PTPRT: variants seen among roughly 807,000 people sequenced by gnomAD.
PTPRT encodes receptor-type tyrosine-protein phosphatase T.
PTPRT carries 56 observed loss-of-function variants against 176.8 expected under a neutral mutation model. The ratio of observed to expected loss-of-function variants is 0.32; its 90% CI spans 0.26 to 0.40. PTPRT has a LOEUF of 0.40. Among genes scored for constraint, PTPRT ranks in the 10% least tolerant of loss-of-function variants. The probability of loss-of-function intolerance (pLI) is 1.00; values close to 1 mark genes in which losing one functional copy is unlikely to be tolerated. For missense variants in PTPRT, 1,540 were observed against 1,908.2 expected (o/e 0.81, Z 3.60); for synonymous variants, 783 against 739.0 (o/e 1.06, Z -0.96).
chr20:42,848,148 C>A lies in PTPRT; in HGVS notation c.214+37659G>T, dbSNP rs572446297. On this transcript the variant is annotated intron_variant, in intron 2 of 30. Coordinates refer to ENST00000373187, the MANE Select transcript of PTPRT (RefSeq NM_007050.6). The stretch of plus-strand genomic sequence containing the variant: ...GTCTCCAATTCCATCTAGGTCACTG[C>A]AAATGCCATTATTTTGTTCCTTTTT... Among the ~76,000 whole-genome samples, 3 of 152,270 alleles carry A rather than the reference C, an allele frequency of 2.0e-5. No homozygotes were observed. In the South Asian group the frequency reaches 6.2e-4, roughly 32 times the overall value.
At chr20:42,671,239 C>T (rs536071712) in intron 7 of PTPRT, among the ~76,000 whole-genome samples, 76 of 152,272 alleles carry the variant, frequency 5.0e-4, no homozygotes, top group Non-Finnish European at 8.4e-4. Flanking sequence ...CTAATGGACA[C>T]TCTGTGTATA....
At chr20:42,416,482 ATCTTTGAAAATCCACTCGT>A (rs1194230751) in intron 9 of PTPRT, among the ~76,000 whole-genome samples, 1 of 152,162 alleles carries the variant, frequency 6.6e-6, no homozygotes, top group Non-Finnish European at 1.5e-5. Flanking sequence ...CCCAGTATTT[ATCTTTGAAAATCCACTCGT>A]TCACCTCACA....
intron 1 of PTPRT, among the ~76,000 whole-genome samples, chr20:43,182,834 C>CAAA (rs10622472): frequency 0.15 from 23,305 of 150,594 alleles, 2,066 homozygotes; most frequent in East Asian, 0.35. Flanking sequence ...ACCAAAGGCG[C>CAAA]AAAAAAAACA....
chr20:42,048,134 C>A, the PTPRT span, among the ~76,000 whole-genome samples: 1 of 152,150 alleles, frequency 6.6e-6, no homozygotes, highest in African/African-American at 2.4e-5. Flanking sequence ...TAGTCACACT[C>A]TGAAGGAAGT....
chr20:43,127,422 CAAAA>C (rs35897839), intron 1 of PTPRT, among the ~76,000 whole-genome samples: 1 of 101,354 alleles, frequency 9.9e-6, no homozygotes, highest in Non-Finnish European at 2.1e-5. Flanking sequence ...GACTCCATCT[CAAAA>C]AAAAAAAAAA....
At chr20:42,732,513 A>G (rs913929928) in intron 6 of PTPRT, among the ~76,000 whole-genome samples, 1 of 152,220 alleles carries the variant, frequency 6.6e-6, no homozygotes. Context: ...AAGCTGTAGA[A>G]GTCTTCACAG....
At position 42,357,027 on chromosome 20, in the gene PTPRT, G is replaced by A. The variant is rs868781613; in HGVS notation, c.1561-4742C>T. Among the ~76,000 whole-genome samples the A allele has an allele frequency of 2.0e-5, 3 of 152,152 alleles. No individual in the cohort carries two copies. The South Asian group carries it at 6.2e-4, about 32-fold the overall frequency. On this transcript the variant is annotated intron_variant, in intron 9 of 30. Transcript: ENST00000373187. Reference sequence around the variant, plus strand: ...TATGGGTATCTTCTCTGACTCCCAGGTTCTTATTTTACGTTTCCAGAGTCA... The same window carrying A: ...TATGGGTATCTTCTCTGACTCCCAGATTCTTATTTTACGTTTCCAGAGTCA...
At chr20:43,027,403 G>A (rs1985956248) in intron 1 of PTPRT, among the ~76,000 whole-genome samples, 1 of 151,838 alleles carries the variant, frequency 6.6e-6, no homozygotes, top group South Asian at 2.1e-4. Flanking sequence ...TTGAACCCAG[G>A]AGGTGGAGGT....
chr20:42,739,554 GA>G (rs1299786427), intron 6 of PTPRT, among the ~76,000 whole-genome samples: 7 of 152,124 alleles, frequency 4.6e-5, no homozygotes, highest in African/African-American at 7.2e-5. Context: ...GAGAAAGAAA[GA>G]TGGGGAAGTG....
intron 9 of PTPRT, among the ~76,000 whole-genome samples, chr20:42,376,485 T>C (rs2058649963): frequency 1.3e-5 from 2 of 152,136 alleles, no homozygotes; most frequent in Admixed American, 1.3e-4. Context: ...CAGTTGCCTT[T>C]CTGGAAAAGA....
At chr20:42,202,479 G>T (rs1319751281) in intron 15 of PTPRT, among the ~76,000 whole-genome samples, 2 of 152,170 alleles carry the variant, frequency 1.3e-5, no homozygotes. Context: ...AACAAGAAAT[G>T]AAGCATTGGA....
intron 2 of PTPRT, among the ~76,000 whole-genome samples, chr20:42,845,779 A>G (rs889276440): frequency 9.2e-5 from 14 of 152,182 alleles, no homozygotes; most frequent in Non-Finnish European, 1.3e-4. Flanking sequence ...ATCCCAGAAC[A>G]CCTCAGGAAA....
chr20:42,968,246 T>C (rs891197860), intron 1 of PTPRT, among the ~76,000 whole-genome samples: 4 of 152,200 alleles, frequency 2.6e-5, no homozygotes, highest in African/African-American at 9.6e-5. Flanking sequence ...AGCCCACTCC[T>C]GAGTTACAGC....
At chr20:42,899,286 G>A (rs1014308857) in intron 1 of PTPRT, among the ~76,000 whole-genome samples, 14 of 152,212 alleles carry the variant, frequency 9.2e-5, no homozygotes, top group African/African-American at 3.1e-4. Flanking sequence ...CAGATCAGTC[G>A]GGAAAAGGTG....
intron 9 of PTPRT, among the ~76,000 whole-genome samples, chr20:42,432,807 G>T (rs1159036347): frequency 6.6e-6 from 1 of 152,032 alleles, no homozygotes; most frequent in Non-Finnish European, 1.5e-5. Flanking sequence ...CTCACTTCAG[G>T]ATATCTCGTC....
intron 7 of PTPRT, among the ~76,000 whole-genome samples, chr20:42,602,348 T>C (rs2073796863): frequency 6.6e-6 from 1 of 152,196 alleles, no homozygotes; most frequent in Admixed American, 6.5e-5. Context: ...TGCTACTAGA[T>C]TGTTCTTAGG....
chr20:42,853,682 T>C (rs1241433171), intron 2 of PTPRT, among the ~76,000 whole-genome samples: 1 of 152,202 alleles, frequency 6.6e-6, no homozygotes, highest in African/African-American at 2.4e-5. Flanking sequence ...CAAATGCTAA[T>C]CTCATCTAGA....
chr20:42,954,135 C>T (rs1408615643), intron 1 of PTPRT, among the ~76,000 whole-genome samples: 1 of 152,118 alleles, frequency 6.6e-6, no homozygotes, highest in East Asian at 1.9e-4. Context: ...TTAGTTCAAT[C>T]CTGCCAGAGT....
intron 15 of PTPRT, among the ~76,000 whole-genome samples, chr20:42,206,433 C>T (rs1466032024): frequency 6.6e-6 from 1 of 152,284 alleles, no homozygotes; most frequent in East Asian, 1.9e-4. Flanking sequence ...GCGCACCATG[C>T]GCGAGCCGAA....
Sources: allele counts gnomAD v4.1 joint callset (sites outside exome capture counted in the v4.1 genomes callset), GRCh38; gene constraint gnomAD v4.1.1; transcripts MANE v1.5; gene names NCBI Gene and HGNC (gene_info 2026-07-23, HGNC 2026-07-21).